Variants in ITGB4 observed in about 807,000 individuals in gnomAD.
ITGB4 encodes the protein integrin subunit beta 4.
In ITGB4, 159 loss-of-function variants were observed where a neutral mutation model predicts 207.6. The ratio of observed to expected loss-of-function variants is 0.77; its 90% confidence interval spans 0.67 to 0.87. The LOEUF is 0.87. ITGB4 is among the 40% of genes least tolerant of loss of function. The pLI is 0.00. For missense variants in ITGB4, 2,278 were observed against 2,546.8 expected (o/e 0.89, Z 2.27); for synonymous variants, 1,020 against 1,062.7 (o/e 0.96, Z 0.78).
Position 75,731,983 on chromosome 17 carries a change from A to G in ITGB4, c.1377+10A>G. 6.2e-7 allele frequency: 1 copy of G among 1,613,972 alleles called. No individual in the cohort carries two copies. The highest frequency in any genetic ancestry group is 8.5e-7 in the Non-Finnish European group (1 of 1,180,020). ...GTGCACCTGCGAGCTGGTACAACGC[A>G]GCCCCGCAGGGCGGGAGGGGAGAGC... is the stretch of plus-strand genomic sequence containing the variant. On this transcript the variant is annotated intron_variant, in intron 11 of 39. Coordinates refer to ENST00000200181, the MANE Select transcript of ITGB4 (RefSeq NM_000213.5). This position sits in a 1 kb window ranked among gnomAD's most constrained non-coding sequence, Gnocchi z 6.8.
rs780453463 is a variant in ITGB4, at chr17:75,749,061, G to A, written c.3316+16G>A. 1.4e-5 allele frequency: 22 copies of A among 1,603,846 alleles called. No homozygotes were observed. In the South Asian group the frequency reaches 2.0e-4, roughly 14 times the overall value. On this transcript the variant is annotated intron_variant, in intron 27 of 39. Transcript: ENST00000200181. The stretch of plus-strand genomic sequence containing the variant: ...AGGGACCCAGGTAGGCAGAGCCTGG[G>A]GGTCGGCTTAAGCAGGAGGAGAGGG...
chr17:75,731,363 G>T lies in ITGB4; in HGVS notation c.1210G>T (p.Glu404Ter), dbSNP rs886053409. The T allele has an allele frequency of 3.7e-6, 6 of 1,611,660 alleles. No individual in the cohort carries two copies. The highest frequency in any genetic ancestry group is 2.5e-6 in the Non-Finnish European group (3 of 1,179,148). Reference protein sequence around the residue: ...RTGSFHIRRGEVGIYQVQLRA... With the variant: ...RTGSFHIRRG The stretch of plus-strand genomic sequence containing the variant: ...TGGGTCCTTTCACATCCGGCGGGGG[G>T]AAGTGGTACGCCTCTGTGGGGGCAG... Residue 404 changes from glutamate (E) to a stop codon, truncating the protein, a stop_gained, in exon 10 of 40, where the codon GAA (glutamate) becomes TAA (stop). Transcript: ENST00000200181. LOFTEE classifies it high-confidence loss of function. This position sits in a 1 kb window ranked among gnomAD's most constrained non-coding sequence, Gnocchi z 6.8.
In ITGB4 at chr17:75,727,926, G is replaced by A; in HGVS notation, c.469+71G>A. 2 of 1,420,644 alleles carry A rather than the reference G, an allele frequency of 1.4e-6. No individual in the cohort carries two copies. The highest frequency in any genetic ancestry group is 9.9e-7 in the Non-Finnish European group (1 of 1,013,266). 88.0% of individuals were successfully genotyped at this position (1,420,644 alleles called of 1,614,324 possible). A position where few individuals can be genotyped will look rare whatever the true frequency, so the allele number is the denominator to read the frequency against. On this transcript the variant is annotated intron_variant, in intron 5 of 39. Coordinates refer to ENST00000200181, the MANE Select transcript of ITGB4 (RefSeq NM_000213.5). This position sits in a 1 kb window ranked among gnomAD's most constrained non-coding sequence, Gnocchi z 6.0. ...GGTGGGCGTCTGCTTGGGAGGCCAG[G>A]ACTCAGGACAGCTGCACCCACCCAG...
chr17:75,735,148 C>T (rs1245677059), intron 13 of ITGB4, among the ~76,000 whole-genome samples: 1 of 152,080 alleles, frequency 6.6e-6, no homozygotes, highest in Non-Finnish European at 1.5e-5. Flanking sequence ...AGTGCAGTGG[C>T]ATGATCTCAG....
chr17:75,747,850 T>G (rs1263123472), intron 26 of ITGB4, among the ~76,000 whole-genome samples: 1 of 152,200 alleles, frequency 6.6e-6, no homozygotes, highest in Non-Finnish European at 1.5e-5. Context: ...CCATGTAGGT[T>G]GCTTGCAGGC....
chr17:75,737,500 A>G, intron 17 of ITGB4, 38 bp from the exon 18 acceptor site: 2 of 1,554,384 alleles, frequency 1.3e-6, no homozygotes, highest in Non-Finnish European at 1.7e-6. Context: ...CTCGGTGGGG[A>G]GGACAGGCAC....
In ITGB4 at chr17:75,753,842, C is replaced by T; in HGVS notation, c.4186C>T (p.Leu1396Phe). ...RRVTWRLPPE[L>F]IPRLSASSGR... ...CGTCACGTGGCGGCTGCCCCCGGAG[C>T]TCATCCCGCGCCTGTCGGCCAGCAG... The change falls in exon 33 of 40, where the codon CTC (leucine) becomes TTC (phenylalanine). Residue 1396 changes from leucine to phenylalanine, a missense_variant. Leu to Phe is a conservative substitution (Grantham distance 22). Coordinates refer to ENST00000200181, the MANE Select transcript of ITGB4 (RefSeq NM_000213.5). The T allele has an allele frequency of 4.9e-6, 7 of 1,433,100 alleles. No individual in the cohort carries two copies. The highest frequency in any genetic ancestry group is 6.4e-6 in the Non-Finnish European group (7 of 1,092,958). 88.8% of individuals were successfully genotyped at this position (1,433,100 alleles called of 1,614,324 possible).
Position 75,750,571 on chromosome 17 carries a change from C to T in ITGB4, c.3475-109C>T, listed in dbSNP as rs530851556. ...ATGGCAGATCTCTCAGCCCCTCCCT[C>T]GGGCCTCATCTGTGCAAAGAGGACA... On this transcript the variant is annotated intron_variant, in intron 28 of 39. Coordinates refer to ENST00000200181, the MANE Select transcript of ITGB4 (RefSeq NM_000213.5). The surrounding 1 kb of genome is among the most constrained non-coding windows in gnomAD (Gnocchi z 5.5). 21 of 1,007,242 alleles carry T rather than the reference C, an allele frequency of 2.1e-5. No homozygotes were observed. The highest frequency in any genetic ancestry group is 2.6e-4 in the Middle Eastern group (1 of 3,898). 62.4% of individuals were successfully genotyped at this position (1,007,242 alleles called of 1,614,324 possible). A position where few individuals can be genotyped will look rare whatever the true frequency, so the allele number is the denominator to read the frequency against.
chr17:75,727,217 A>G lies in ITGB4; in HGVS notation c.102A>G (p.Pro34=). 1 of 1,614,034 alleles carries G rather than the reference A, an allele frequency of 6.2e-7. No individual in the cohort carries two copies. Among genetic ancestry groups the G allele is most frequent in the Non-Finnish European group, 8.5e-7 (1 of 1,179,966 alleles). Residue 34 remains proline, a synonymous_variant, in exon 3 of 40, where the codon CCA becomes CCG. Transcript: ENST00000200181. This position sits in a 1 kb window ranked among gnomAD's most constrained non-coding sequence, Gnocchi z 6.0. ...CAGCAAACCGCTGCAAGAAGGCCCC[A>G]GTGAAGAGCTGCACGGAGTGTGTCC... The part of the protein sequence containing the change: ...GTLANRCKKA[P]VKSCTECVRV...
In ITGB4 at chr17:75,754,857, C is replaced by A. The variant is rs746703082; in HGVS notation, c.4558+42C>A. ...AACCCTGCCTCTCCCACTAACCCTT[C>A]CTCTCTTCCAGCTCCTGGAGCCTCG... On this transcript the variant is annotated intron_variant, in intron 34 of 39. Transcript: ENST00000200181. 1.9e-6 allele frequency: 3 copies of A among 1,613,388 alleles called. No homozygotes were observed. In the Admixed American group the frequency reaches 5.0e-5, roughly 27 times the overall value.
intron 26 of ITGB4, 42 bp from the exon 27 acceptor site, chr17:75,748,799 G>A: frequency 6.7e-7 from 1 of 1,502,668 alleles, no homozygotes. Context: ...TCTTGCCTCA[G>A]CCCCCAGCCA....
rs760872478 is a variant in ITGB4 at position 75,730,406 on chromosome 17, C to G, written c.904C>G (p.Gln302Glu). 10 of 1,613,946 alleles carry G rather than the reference C, an allele frequency of 6.2e-6. No homozygotes were observed. Among genetic ancestry groups the G allele is most frequent in the African/African-American group, 1.3e-5 (1 of 74,930 alleles). ...GGGCACCTACACCCAGTACAGGACA[C>G]AGGACTACCCGTCGGTGCCCACCCT... ...TTGTYTQYRT[Q>E]DYPSVPTLVR... The change falls in exon 8 of 40, where the codon CAG (glutamine) becomes GAG (glutamate). Residue 302 changes from glutamine (Q) to glutamate (E), a missense_variant. By Grantham distance (29) the Gln-to-Glu change is conservative. Coordinates refer to ENST00000200181, the MANE Select transcript of ITGB4 (RefSeq NM_000213.5).
At chr17:75,737,239 G>A (rs1203645658) in intron 16 of ITGB4, 83 bp from the exon 17 acceptor site, 16 of 1,526,796 alleles carry the variant, frequency 1.0e-5, no homozygotes, top group African/African-American at 2.8e-5. Context: ...AGATCGCAGA[G>A]TAGGGGCCCC....
At chr17:75,745,815 G>C (rs1269534088) in intron 26 of ITGB4, among the ~76,000 whole-genome samples, 1 of 152,110 alleles carries the variant, frequency 6.6e-6, no homozygotes, top group Non-Finnish European at 1.5e-5. Flanking sequence ...GGAGGTGGAG[G>C]CTGCAGTGAA....
chr17:75,750,794 T>G lies in ITGB4; in HGVS notation c.3589T>G (p.Cys1197Gly), dbSNP rs758079173. The change falls in exon 29 of 40, where the codon TGC becomes GGC. Residue 1197 changes from cysteine to glycine, a missense_variant. By Grantham distance (159) the Cys-to-Gly change is radical. Coordinates refer to ENST00000200181, the MANE Select transcript of ITGB4 (RefSeq NM_000213.5). This position sits in a 1 kb window ranked among gnomAD's most constrained non-coding sequence, Gnocchi z 5.5. ...YPYCDYEMKV[C>G]AYGAQGEGPY... ...GTATTGCGACTATGAGATGAAGGTG[T>G]GCGCCTACGGGGCTCAGGGCGAGGG... The G allele has an allele frequency of 6.2e-7, 1 of 1,613,460 alleles. No homozygotes were observed. Among genetic ancestry groups the G allele is most frequent in the South Asian group, 1.1e-5 (1 of 91,084 alleles).
chr17:75,744,128 T>C (rs530617544), intron 26 of ITGB4, among the ~76,000 whole-genome samples: 1 of 148,852 alleles, frequency 6.7e-6, no homozygotes, highest in East Asian at 2.0e-4. Flanking sequence ...TTTTTTTTTT[T>C]TTTTTTTTTG....
Position 75,754,695 on chromosome 17 carries a change from C to T in ITGB4, c.4438C>T (p.Arg1480Cys), listed in dbSNP as rs61735299. Residue 1480 changes from arginine to cysteine, a missense_variant, in exon 34 of 40, where the codon CGC (arginine) becomes TGC (cysteine). Arg to Cys is a radical substitution (Grantham distance 180). Coordinates refer to ENST00000200181, the MANE Select transcript of ITGB4 (RefSeq NM_000213.5). ...GTHLSPHVPH[R>C]VLSTSSTLTR... ...CCACCTGAGCCCACACGTGCCCCAC[C>T]GCGTGCTAAGCACATCCTCCACCCT... The T allele has an allele frequency of 4.0e-5, 64 of 1,614,150 alleles. No individual in the cohort carries two copies. The African/African-American group carries it at 6.8e-4, about 17-fold the overall frequency.
Position 75,732,860 on chromosome 17 carries a change from G to C in ITGB4, c.1454+621G>C, listed in dbSNP as rs538457632. On this transcript the variant is annotated intron_variant, in intron 12 of 39. Coordinates refer to ENST00000200181, the MANE Select transcript of ITGB4 (RefSeq NM_000213.5). This position sits in a 1 kb window ranked among gnomAD's most constrained non-coding sequence, Gnocchi z 5.3. ...CCAGCACTTTGGGAGGCCGAGGTGG[G>C]TGGATCACCTGAGGTCAGGAGTTCA... Among the ~76,000 whole-genome samples, 11 of 152,256 alleles carry C rather than the reference G, an allele frequency of 7.2e-5. No homozygotes were observed. In the South Asian group the frequency reaches 2.3e-3, roughly 32 times the overall value.
At position 75,753,794 on chromosome 17, in the gene ITGB4, G is replaced by A; in HGVS notation, c.4138G>A (p.Gly1380Arg). 1 of 1,460,186 alleles carries A rather than the reference G, an allele frequency of 6.8e-7. No individual in the cohort carries two copies. The highest frequency in any genetic ancestry group is 9.0e-7 in the Non-Finnish European group (1 of 1,106,200). The allele number at this position is 1,460,186 out of a possible 1,614,324, so 90.5% of individuals were successfully genotyped here. The change falls in exon 33 of 40, where the codon GGG (glycine) becomes AGG (arginine). Residue 1380 changes from glycine to arginine, a missense_variant. Gly to Arg is a moderately radical substitution (Grantham distance 125). Coordinates refer to ENST00000200181, the MANE Select transcript of ITGB4 (RefSeq NM_000213.5). ...GCGWKFEPLLGEELDLRRVTW... is the reference protein window; with the variant it reads ...GCGWKFEPLLREELDLRRVTW... ...CGGCTGGAAGTTCGAGCCCCTGCTG[G>A]GGGAGGAGCTGGACCTGCGGCGCGT...
Sources: allele counts gnomAD v4.1 joint callset (sites outside exome capture counted in the v4.1 genomes callset), GRCh38; gene constraint gnomAD v4.1.1; non-coding constraint Gnocchi (gnomAD v3.1); transcripts MANE v1.5; gene names NCBI Gene and HGNC (gene_info 2026-07-23, HGNC 2026-07-21).